ZNF804A: variants seen among roughly 807,000 people sequenced by gnomAD.
ZNF804A encodes the protein zinc finger protein 804A.
A neutral mutation model predicts 16.5 loss-of-function variants in ZNF804A; 2 were observed. The observed-to-expected ratio is 0.12, with a 90% CI of 0.05 to 0.38. The LOEUF is 0.38. Ranked by LOEUF, ZNF804A falls within the 10% of genes least tolerant of loss-of-function variation. The pLI is 0.99. For synonymous variants in ZNF804A, 534 were observed against 489.6 expected, an observed-to-expected ratio of 1.09 and a Z score of -1.20; for missense variants, 1,473 against 1,390.7, an observed-to-expected ratio of 1.06 and a Z score of -0.94.
chr2:184,810,484 CTTTTTTT>C (rs1175105602), intron 1 of ZNF804A, among the ~76,000 whole-genome samples: 17 of 95,992 alleles, frequency 1.8e-4, no homozygotes, highest in African/African-American at 4.9e-4. Context: ...TGTTCTTTTC[CTTTTTTT>C]TTTTTTTTTT....
At chr2:184,810,900 T>C (rs1413744169) in intron 1 of ZNF804A, among the ~76,000 whole-genome samples, 2 of 152,238 alleles carry the variant, frequency 1.3e-5, no homozygotes, top group Non-Finnish European at 2.9e-5. Context: ...AAAATATCTC[T>C]GAAAAGGTGT....
intron 2 of ZNF804A, among the ~76,000 whole-genome samples, chr2:184,893,852 T>C (rs1685023348): frequency 6.6e-6 from 1 of 152,180 alleles, no homozygotes; most frequent in African/African-American, 2.4e-5. Flanking sequence ...AGTTTCACTT[T>C]ATTCCCTGGA....
rs552006599 is a variant in ZNF804A at position 184,638,146 on chromosome 2, T to G, written c.111+39076T>G. On this transcript the variant is annotated intron_variant, in intron 1 of 3. Coordinates refer to ENST00000302277, the MANE Select transcript of ZNF804A (RefSeq NM_194250.2). The stretch of plus-strand genomic sequence containing the variant: ...TCCTCCTTGTGCAACAATATAGAGC[T>G]GTTAGGTTTGCTCAGGTTTCACAGA... 7.2e-5 allele frequency among the ~76,000 whole-genome samples: 11 copies of G among 152,338 alleles called. No individual in the cohort carries two copies. The South Asian group carries it at 2.3e-3, about 32-fold the overall frequency.
At chr2:184,659,367 T>C (rs1276298173) in intron 1 of ZNF804A, among the ~76,000 whole-genome samples, 1 of 152,152 alleles carries the variant, frequency 6.6e-6, no homozygotes, top group African/African-American at 2.4e-5. Flanking sequence ...ATATTTGGCA[T>C]TTATCAAGCA....
chr2:184,908,590 G>T (rs1041827873), intron 2 of ZNF804A, among the ~76,000 whole-genome samples: 1 of 152,064 alleles, frequency 6.6e-6, no homozygotes, highest in Non-Finnish European at 1.5e-5. Flanking sequence ...TTATAAGATA[G>T]CTAATTATCA....
intron 1 of ZNF804A, among the ~76,000 whole-genome samples, chr2:184,804,500 A>G (rs1426841834): frequency 6.6e-6 from 1 of 152,230 alleles, no homozygotes; most frequent in African/African-American, 2.4e-5. Flanking sequence ...CAGGTCCCAC[A>G]CTCAAGTAAT....
At chr2:184,764,492 A>G (rs1694086987) in intron 1 of ZNF804A, among the ~76,000 whole-genome samples, 2 of 152,324 alleles carry the variant, frequency 1.3e-5, no homozygotes, top group South Asian at 4.1e-4. Flanking sequence ...TTTGACTTTC[A>G]GAATTCAAAC....
At chr2:184,873,076 A>G (rs1424197565) in intron 2 of ZNF804A, among the ~76,000 whole-genome samples, 1 of 152,230 alleles carries the variant, frequency 6.6e-6, no homozygotes, top group Non-Finnish European at 1.5e-5. Context: ...CATAGAGTAA[A>G]CAAACAAAAT....
At chr2:184,799,029 T>G (rs1397558337) in intron 1 of ZNF804A, among the ~76,000 whole-genome samples, 1 of 152,120 alleles carries the variant, frequency 6.6e-6, no homozygotes, top group Non-Finnish European at 1.5e-5. Flanking sequence ...TCAGCAAGTC[T>G]CTCTGGTACC....
intron 1 of ZNF804A, among the ~76,000 whole-genome samples, chr2:184,636,170 G>A (rs1691692264): frequency 6.6e-6 from 1 of 151,904 alleles, no homozygotes. Context: ...TTTGCTGATA[G>A]TAGAAAAGAC....
At chr2:184,916,994 A>G (rs1559001932) in intron 2 of ZNF804A, among the ~76,000 whole-genome samples, 1 of 152,230 alleles carries the variant, frequency 6.6e-6, no homozygotes, top group Non-Finnish European at 1.5e-5. Flanking sequence ...AATTGATTAA[A>G]TGAGGCTCAC....
At chr2:184,789,608 C>A (rs1171868557) in intron 1 of ZNF804A, among the ~76,000 whole-genome samples, 3 of 151,846 alleles carry the variant, frequency 2.0e-5, no homozygotes, top group African/African-American at 7.3e-5. Context: ...TCTATGTTTT[C>A]TATTTTGTGT....
At position 184,937,276 on chromosome 2, in the gene ZNF804A, C is replaced by T. The variant is rs1476410821; in HGVS notation, c.1880C>T (p.Thr627Ile). The change falls in exon 4 of 4, where the codon ACT becomes ATT. Residue 627 changes from threonine to isoleucine, a missense_variant. Coordinates refer to ENST00000302277, the MANE Select transcript of ZNF804A (RefSeq NM_194250.2). ...RCKMEAENSYTENAGKYLLEP... is the reference protein window; with the variant it reads ...RCKMEAENSYIENAGKYLLEP... ...AAAATGGAAGCAGAGAATAGTTACA[C>T]TGAAAATGCTGGGAAATATCTATTG... is the stretch of plus-strand genomic sequence containing the variant. 4 of 1,613,748 alleles carry T rather than the reference C, an allele frequency of 2.5e-6. No homozygotes were observed. Among genetic ancestry groups the T allele is most frequent in the Non-Finnish European group, 2.5e-6 (3 of 1,179,930 alleles).
intron 1 of ZNF804A, among the ~76,000 whole-genome samples, chr2:184,653,562 A>G (rs1374206437): frequency 6.6e-6 from 1 of 152,234 alleles, no homozygotes; most frequent in East Asian, 1.9e-4. Context: ...GGACATTTGG[A>G]GATCGAGTGC....
At chr2:184,726,584 G>A (rs1300775669) in intron 1 of ZNF804A, among the ~76,000 whole-genome samples, 2 of 151,304 alleles carry the variant, frequency 1.3e-5, no homozygotes, top group Non-Finnish European at 3.0e-5. Context: ...ATTGTCATGA[G>A]AAAATAAATA....
At chr2:184,669,438 A>C (rs1467110282) in intron 1 of ZNF804A, among the ~76,000 whole-genome samples, 2 of 152,078 alleles carry the variant, frequency 1.3e-5, no homozygotes, top group Admixed American at 1.3e-4. Context: ...TTATTTTCTG[A>C]GGTTCAGTTT....
chr2:184,878,330 C>G (rs1250004305), intron 2 of ZNF804A, among the ~76,000 whole-genome samples: 1 of 152,052 alleles, frequency 6.6e-6, no homozygotes, highest in African/African-American at 2.4e-5. Context: ...AGAACTACCA[C>G]AAAGCTCGGT....
chr2:184,827,700 G>T (rs143538872), intron 1 of ZNF804A, among the ~76,000 whole-genome samples: 16 of 151,126 alleles, frequency 1.1e-4, no homozygotes, highest in African/African-American at 3.9e-4. Flanking sequence ...TTTTCACTTA[G>T]CATAATATAT....
intron 2 of ZNF804A, among the ~76,000 whole-genome samples, chr2:184,896,627 C>G (rs1685073988): frequency 6.6e-6 from 1 of 152,014 alleles, no homozygotes; most frequent in Non-Finnish European, 1.5e-5. Context: ...AAACCTGTAC[C>G]TTAGCTATTT....
Sources: gnomAD v4.1 joint callset for allele counts (sites outside exome capture counted in the v4.1 genomes callset) on GRCh38, gnomAD v4.1.1 for gene constraint, MANE v1.5 for transcripts, NCBI Gene and HGNC (gene_info 2026-07-23, HGNC 2026-07-21) for gene names.